The following DLEC1 variants were observed in gnomAD, a reference collection of about 807,000 sequenced individuals.
DLEC1 encodes DLEC1 cilia and flagella associated protein.
A neutral mutation model predicts 198.1 loss-of-function variants in DLEC1; 146 were observed. That is an observed-to-expected ratio of 0.74 (90% CI 0.64 to 0.85). The LOEUF (loss-of-function observed/expected upper bound fraction) is 0.85, where lower values mean the gene tolerates loss of function less well. Among genes scored for constraint, DLEC1 ranks in the 40% least tolerant of loss-of-function variants. The probability of loss-of-function intolerance (pLI) is 0.00; values close to 1 mark genes in which losing one functional copy is unlikely to be tolerated. For missense variants in DLEC1, 2,233 were observed against 2,220.0 expected (o/e 1.01, Z -0.12); for synonymous variants, 897 against 866.8 (o/e 1.03, Z -0.61).
At chr3:38,061,184 TTTG>T (rs1553613153) in intron 3 of DLEC1, among the ~76,000 whole-genome samples, 1 of 152,104 alleles carries the variant, frequency 6.6e-6, no homozygotes, top group Admixed American at 6.5e-5. Flanking sequence ...TGTTTGTTTG[TTTG>T]TTTTTTCTTG....
chr3:38,065,349 G>A (rs1182356108), intron 6 of DLEC1, among the ~76,000 whole-genome samples: 2 of 147,920 alleles, frequency 1.4e-5, no homozygotes, highest in East Asian at 1.9e-4. Context: ...GGAGAGGGAG[G>A]AGAGGGAGAC....
intron 35 of DLEC1, 64 bp downstream of exon 35, chr3:38,121,845 C>G: frequency 1.9e-6 from 3 of 1,578,564 alleles, no homozygotes; most frequent in Non-Finnish European, 1.7e-6. Flanking sequence ...GAAGACCCCC[C>G]AGGAAGGGGC....
chr3:38,065,184 G>T (rs950778348), intron 6 of DLEC1, among the ~76,000 whole-genome samples: 1 of 152,236 alleles, frequency 6.6e-6, no homozygotes, highest in Non-Finnish European at 1.5e-5. Context: ...CAAAAAACAC[G>T]AAAACCAGTC....
At chr3:38,050,940 C>CTTT (rs71094939) in intron 2 of DLEC1, among the ~76,000 whole-genome samples, 2 of 146,794 alleles carry the variant, frequency 1.4e-5, no homozygotes, top group South Asian at 2.2e-4. Flanking sequence ...CTCTCTCTCT[C>CTTT]TTTTTTTTTT....
At chr3:38,056,112 CACACAA>C (rs1180890890) in intron 2 of DLEC1, among the ~76,000 whole-genome samples, 8 of 117,106 alleles carry the variant, frequency 6.8e-5, no homozygotes, top group South Asian at 2.5e-4. Context: ...CACACACACA[CACACAA>C]ATAGCTGAGT....
intron 2 of DLEC1, among the ~76,000 whole-genome samples, chr3:38,047,687 G>A (rs1457167309): frequency 3.9e-5 from 6 of 152,132 alleles, no homozygotes; most frequent in African/African-American, 1.2e-4. Flanking sequence ...TCAGGTGGTG[G>A]GGAAAGAGCA....
intron 6 of DLEC1, among the ~76,000 whole-genome samples, chr3:38,075,294 A>G (rs1697548346): frequency 1.3e-5 from 2 of 152,176 alleles, no homozygotes; most frequent in South Asian, 4.1e-4. Context: ...CCATTTGCCT[A>G]TTTTTTGACA....
chr3:38,107,524 T>G, intron 19 of DLEC1, 60 bp from the exon 20 acceptor site: 6 of 1,453,984 alleles, frequency 4.1e-6, no homozygotes, highest in Non-Finnish European at 5.5e-6. Context: ...CATCTAGAAA[T>G]AGGGACAGCT....
In DLEC1 at chr3:38,112,131, C is replaced by A. The variant is rs1162316317; in HGVS notation, c.3515-79C>A. ...GGAGGGTGGCTTATCGGGGACAGTG[C>A]TTTGCTCACACACGAGGGTTTGGAC... On this transcript the variant is annotated intron_variant, in intron 24 of 36. Coordinates refer to ENST00000308059, the MANE Select transcript of DLEC1 (RefSeq NM_007335.4). The surrounding 1 kb of genome is among the most constrained non-coding windows in gnomAD (Gnocchi z 4.8). 2 of 1,592,672 alleles carry A rather than the reference C, an allele frequency of 1.3e-6. No individual in the cohort carries two copies.
At position 38,053,175 on chromosome 3, in the gene DLEC1, C is replaced by T. The variant is rs1575390402; in HGVS notation, c.563-6567C>T. ...CTCCCAGCCGCCTGCCTTGGCCTCC[C>T]AAAGTGCCGAGATTGCAGCCTCTGC... On this transcript the variant is annotated intron_variant, in intron 2 of 36. Coordinates refer to ENST00000308059, the MANE Select transcript of DLEC1 (RefSeq NM_007335.4). Among the ~76,000 whole-genome samples the T allele has an allele frequency of 3.3e-5, 5 of 152,358 alleles. No individual in the cohort carries two copies. The South Asian group carries it at 1.0e-3, about 32-fold the overall frequency.
chr3:38,043,970 T>G (rs1575376305), intron 1 of DLEC1, among the ~76,000 whole-genome samples: 1 of 152,152 alleles, frequency 6.6e-6, no homozygotes, highest in East Asian at 1.9e-4. Flanking sequence ...TTTTTTTTCT[T>G]TAAAAGAAAT....
At chr3:38,053,254 GTC>G (rs1313752047) in intron 2 of DLEC1, among the ~76,000 whole-genome samples, 1 of 150,458 alleles carries the variant, frequency 6.6e-6, no homozygotes. Flanking sequence ...GCCGCCCATC[GTC>G]TGGGATGTGA....
At chr3:38,103,871 A>G (rs1329139608) in intron 19 of DLEC1, 1 of 152,212 alleles carries the variant, frequency 6.6e-6, no homozygotes, top group African/African-American at 2.4e-5. Context: ...AGTTGAGCCC[A>G]TTATCGTATA....
chr3:38,117,072 C>A lies in DLEC1; in HGVS notation c.4277C>A (p.Ala1426Asp). The stretch of plus-strand genomic sequence containing the variant: ...CACAAGGTGGAGTGTACTGGCTACG[C>A]CCTGGGTTTCATGAGCTTGGACAGC... ...ILHKVECTGY[A>D]LGFMSLDSKV... Residue 1426 changes from alanine (A) to aspartate (D), a missense_variant, in exon 30 of 37, where the codon GCC becomes GAC. Ala to Asp is a moderately radical substitution (Grantham distance 126, BLOSUM62 -2). Transcript: ENST00000308059. The A allele has an allele frequency of 6.2e-7, 1 of 1,614,098 alleles. No homozygotes were observed.
chr3:38,094,837 C>T (rs770811838), intron 12 of DLEC1, 42 bp from the exon 13 acceptor site: 1 of 1,602,146 alleles, frequency 6.2e-7, no homozygotes, highest in South Asian at 1.1e-5. Flanking sequence ...GACCTGGTCC[C>T]AGCAGAACTG....
chr3:38,095,958 T>G lies in DLEC1; in HGVS notation c.2171+12T>G. ...CCAGAGCCTGTAAGGTGAGAGAAACTGGGCCCTGGATGAGAAGTGGGCAGC... is the reference window on the plus strand; with the variant it reads ...CCAGAGCCTGTAAGGTGAGAGAAACGGGGCCCTGGATGAGAAGTGGGCAGC... On this transcript the variant is annotated intron_variant, in intron 14 of 36. Coordinates refer to ENST00000308059, the MANE Select transcript of DLEC1 (RefSeq NM_007335.4). The G allele has an allele frequency of 6.2e-7, 1 of 1,613,324 alleles. No individual in the cohort carries two copies. Among genetic ancestry groups the G allele is most frequent in the Non-Finnish European group, 8.5e-7 (1 of 1,179,912 alleles).
chr3:38,081,066 C>T (rs928084432), intron 6 of DLEC1, among the ~76,000 whole-genome samples: 54 of 136,626 alleles, frequency 4.0e-4, no homozygotes, highest in African/African-American at 1.3e-3. Context: ...GCACATCTTG[C>T]ACCGCCCTTA....
At chr3:38,092,457 GTA>G (rs1245912243) in intron 10 of DLEC1, among the ~76,000 whole-genome samples, 2 of 152,208 alleles carry the variant, frequency 1.3e-5, no homozygotes, top group African/African-American at 2.4e-5. Flanking sequence ...CTCTTTGCCA[GTA>G]TGAGTGGTAA....
chr3:38,123,214 G>A lies in DLEC1; in HGVS notation c.*802G>A. 7.9e-7 allele frequency: 1 copy of A among 1,272,712 alleles called. No homozygotes were observed. Among genetic ancestry groups the A allele is most frequent in the East Asian group, 2.3e-5 (1 of 43,100 alleles). 78.8% of individuals were successfully genotyped at this position (1,272,712 alleles called of 1,614,324 possible). A position where few individuals can be genotyped will look rare whatever the true frequency, so the allele number is the denominator to read the frequency against. On this transcript the variant is annotated 3_prime_UTR_variant, in exon 37 of 37. Coordinates refer to ENST00000308059, the MANE Select transcript of DLEC1 (RefSeq NM_007335.4). ...CCAGAAGGACGTCATGGACAAGTAG[G>A]ATGCAAAACCATCAGACCAGATCTG... is the stretch of plus-strand genomic sequence containing the variant.
Sources: gnomAD v4.1 joint callset for allele counts (sites outside exome capture counted in the v4.1 genomes callset) on GRCh38, gnomAD v4.1.1 for gene constraint, Gnocchi (gnomAD v3.1) non-coding constraint, MANE v1.5 for transcripts, NCBI Gene and HGNC (gene_info 2026-07-23, HGNC 2026-07-21) for gene names.